Variants in ZC3H7A observed in about 807,000 individuals in gnomAD.
The protein encoded by ZC3H7A is zinc finger CCCH domain-containing protein 7A.
In ZC3H7A, 44 loss-of-function variants were observed where a neutral mutation model predicts 125.5. The observed-to-expected ratio is 0.35, with a 90% confidence interval of 0.28 to 0.45. ZC3H7A has a LOEUF of 0.45. ZC3H7A is among the 20% of genes least tolerant of loss of function. The probability of loss-of-function intolerance (pLI) is 1.00; values close to 1 mark genes in which losing one functional copy is unlikely to be tolerated. For synonymous variants in ZC3H7A, 399 were observed against 391.2 expected (o/e 1.02, Z -0.23); for missense variants, 977 against 1,170.7 (o/e 0.83, Z 2.41).
At chr16:11,790,270 G>A (rs895515687) in intron 1 of ZC3H7A, among the ~76,000 whole-genome samples, 1 of 152,194 alleles carries the variant, frequency 6.6e-6, no homozygotes, top group East Asian at 1.9e-4. Context: ...AAACAGTGTG[G>A]CAATGTGATG....
At position 11,761,515 on chromosome 16, in the gene ZC3H7A, A is replaced by G. The variant is rs367823202; in HGVS notation, c.2214-4T>C. 3.4e-5 allele frequency: 55 copies of G among 1,613,786 alleles called. No individual in the cohort carries two copies. Among genetic ancestry groups the G allele is most frequent in the Non-Finnish European group, 4.2e-5 (50 of 1,179,932 alleles). ...CGCACGCCGGTCTTTGGTCCACCTA[A>G]GAAAAATGGAGTTCAGAAAAAAACA... is the stretch of plus-strand genomic sequence containing the variant. On this transcript the variant is annotated splice_region_variant and splice_polypyrimidine_tract_variant and intron_variant, in intron 18 of 22. Coordinates refer to ENST00000355758, the MANE Select transcript of ZC3H7A (RefSeq NM_014153.4).
chr16:11,780,246 G>A (rs759120759), intron 3 of ZC3H7A, among the ~76,000 whole-genome samples: 13 of 151,104 alleles, frequency 8.6e-5, no homozygotes, highest in Non-Finnish European at 1.6e-4. Flanking sequence ...TTAGCCTCCC[G>A]AGTAGCTGGG....
chr16:11,776,968 G>A, intron 4 of ZC3H7A, 59 bp from the exon 5 acceptor site: 2 of 1,417,356 alleles, frequency 1.4e-6, no homozygotes, highest in South Asian at 1.6e-5. Context: ...CTTGCACTGA[G>A]GCCTTCCTGT....
At position 11,776,659 on chromosome 16, in the gene ZC3H7A, T is replaced by C. The variant is rs529489865; in HGVS notation, c.465+92A>G. The stretch of plus-strand genomic sequence containing the variant: ...AGCATTTATACCCAACTGAAGCAGG[T>C]TGATGGATGACTGGAAAATTTAACT... On this transcript the variant is annotated intron_variant, in intron 5 of 22. Transcript: ENST00000355758. 323 of 1,517,388 alleles carry C rather than the reference T, an allele frequency of 2.1e-4. No homozygotes were observed. The African/African-American group carries it at 3.7e-3, about 17-fold the overall frequency. 94.0% of individuals were successfully genotyped at this position (1,517,388 alleles called of 1,614,324 possible).
chr16:11,770,729 T>G, intron 10 of ZC3H7A, 54 bp downstream of exon 10: 1 of 1,508,242 alleles, frequency 6.6e-7, no homozygotes. Flanking sequence ...AAACAAACAT[T>G]TTCATTTTGA....
chr16:11,772,862 A>T (rs574899666), intron 9 of ZC3H7A, among the ~76,000 whole-genome samples: 2 of 151,678 alleles, frequency 1.3e-5, no homozygotes, highest in South Asian at 4.1e-4. Context: ...ATGCCCAGCT[A>T]ATTTTTGTGA....
In ZC3H7A at chr16:11,782,381, T is replaced by A; in HGVS notation, c.-27A>T. On this transcript the variant is annotated 5_prime_UTR_variant, in exon 2 of 23. Transcript: ENST00000355758. Reference sequence around the variant, plus strand: ...TTATCCCACACATCCACTTTCTAAATGAGCAATCTGGAAAGAAACAAGGCA... The same window carrying A: ...TTATCCCACACATCCACTTTCTAAAAGAGCAATCTGGAAAGAAACAAGGCA... The A allele has an allele frequency of 6.2e-7, 1 of 1,613,818 alleles. No individual in the cohort carries two copies. The highest frequency in any genetic ancestry group is 1.7e-5 in the Admixed American group (1 of 59,990).
chr16:11,775,315 G>C (rs955875245), intron 7 of ZC3H7A, among the ~76,000 whole-genome samples: 8 of 151,538 alleles, frequency 5.3e-5, no homozygotes, highest in African/African-American at 1.9e-4. Flanking sequence ...AGGCTGCAGT[G>C]AGCTGAGATA....
Position 11,765,236 on chromosome 16 carries a change from T to C in ZC3H7A, c.1720-83A>G, listed in dbSNP as rs2052834679. ...GAATATTGTCCTAGTTTCAATATCATTACAAAATTAATATTCAATATGAAG... is the reference window on the plus strand; with the variant it reads ...GAATATTGTCCTAGTTTCAATATCACTACAAAATTAATATTCAATATGAAG... On this transcript the variant is annotated intron_variant, in intron 14 of 22. Coordinates refer to ENST00000355758, the MANE Select transcript of ZC3H7A (RefSeq NM_014153.4). The surrounding 1 kb of genome is among the most constrained non-coding windows in gnomAD (Gnocchi z 4.8). 10 of 884,152 alleles carry C rather than the reference T, an allele frequency of 1.1e-5. No individual in the cohort carries two copies. Among genetic ancestry groups the C allele is most frequent in the East Asian group, 6.1e-5 (2 of 33,032 alleles). The allele number at this position is 884,152 out of a possible 1,614,324, so 54.8% of individuals were successfully genotyped here.
chr16:11,776,838 C>T lies in ZC3H7A; in HGVS notation c.378G>A (p.Leu126=). Residue 126 remains leucine (L), a synonymous_variant, in exon 5 of 23, where the codon CTG becomes CTA. Transcript: ENST00000355758. ...LSLNASNCKA[L]YRKSKALSDL... ...CACTTAAAGCCTTAGATTTCCGATA[C>T]AGAGCTTTGCAGTTACTGGCATTTA... is the stretch of plus-strand genomic sequence containing the variant. The T allele has an allele frequency of 6.2e-7, 1 of 1,613,778 alleles. No homozygotes were observed. Among genetic ancestry groups the T allele is most frequent in the South Asian group, 1.1e-5 (1 of 91,002 alleles).
intron 10 of ZC3H7A, 27 bp downstream of exon 10, chr16:11,770,756 T>C: frequency 6.3e-7 from 1 of 1,580,630 alleles, no homozygotes; most frequent in Non-Finnish European, 8.7e-7. Flanking sequence ...CAACTGCAAT[T>C]GTTTACAATT....
intron 1 of ZC3H7A, among the ~76,000 whole-genome samples, chr16:11,790,389 T>C (rs568775968): frequency 6.6e-6 from 1 of 152,338 alleles, no homozygotes; most frequent in South Asian, 2.1e-4. Context: ...CCTCTGCTCA[T>C]TTTTCTTCCA....
intron 16 of ZC3H7A, 50 bp from the exon 17 acceptor site, chr16:11,762,797 C>T (rs1262914925): frequency 6.3e-7 from 1 of 1,582,434 alleles, no homozygotes; most frequent in Non-Finnish European, 8.6e-7. Context: ...AGAACAACAG[C>T]CCACCAATCT....
At chr16:11,768,549 T>C in intron 11 of ZC3H7A, 48 bp from the exon 12 acceptor site, 1 of 1,395,666 alleles carries the variant, frequency 7.2e-7, no homozygotes, top group South Asian at 1.7e-5. Context: ...CAACAAATAT[T>C]GCATTATCAC....
intron 20 of ZC3H7A, among the ~76,000 whole-genome samples, chr16:11,757,097 C>G (rs2052662652): frequency 6.6e-6 from 1 of 152,156 alleles, no homozygotes; most frequent in South Asian, 2.1e-4. Flanking sequence ...CATCCCTGGC[C>G]TCTGCCCACT....
At position 11,761,439 on chromosome 16, in the gene ZC3H7A, G is replaced by A. The variant is rs1427030393; in HGVS notation, c.2286C>T (p.Leu762=). The change falls in exon 19 of 23, where the codon CTC becomes CTT. Residue 762 remains leucine, a synonymous_variant. Coordinates refer to ENST00000355758, the MANE Select transcript of ZC3H7A (RefSeq NM_014153.4). The part of the protein sequence containing the change: ...ERKKWMNIRP[L]PTKKQMPLQF... Reference sequence around the variant, plus strand: ...GTAAAGGCATTTGTTTCTTTGTGGGGAGAGGACGGATGTTCATCCACTTCT... The same window carrying A: ...GTAAAGGCATTTGTTTCTTTGTGGGAAGAGGACGGATGTTCATCCACTTCT... The A allele has an allele frequency of 2.5e-6, 4 of 1,614,086 alleles. No individual in the cohort carries two copies. The highest frequency in any genetic ancestry group is 1.3e-5 in the African/African-American group (1 of 75,036).
intron 3 of ZC3H7A, 150 bp from the exon 4 acceptor site, chr16:11,779,513 C>G (rs2053138766): frequency 1.5e-6 from 1 of 667,456 alleles, no homozygotes; most frequent in African/African-American, 1.8e-5. Context: ...GCCCAAGTCA[C>G]TGCTATCTCA....
At chr16:11,783,890 G>A (rs2053212131) in intron 1 of ZC3H7A, among the ~76,000 whole-genome samples, 1 of 151,782 alleles carries the variant, frequency 6.6e-6, no homozygotes, top group South Asian at 2.1e-4. Context: ...CAATATTTTT[G>A]TCCTATAAAG....
intron 21 of ZC3H7A, among the ~76,000 whole-genome samples, chr16:11,756,034 G>A (rs547795947): frequency 5.3e-5 from 8 of 152,056 alleles, no homozygotes; most frequent in Non-Finnish European, 8.8e-5. Flanking sequence ...GTGGTGGCGC[G>A]AGCCTATAAT....
Sources: allele counts gnomAD v4.1 joint callset (sites outside exome capture counted in the v4.1 genomes callset), GRCh38; gene constraint gnomAD v4.1.1; non-coding constraint Gnocchi (gnomAD v3.1); transcripts MANE v1.5; gene names NCBI Gene and HGNC (gene_info 2026-07-23, HGNC 2026-07-21).